The following CCDC158 variants were observed in gnomAD, a reference collection of about 807,000 sequenced individuals.
The protein encoded by CCDC158 is coiled-coil domain-containing protein 158.
In CCDC158, 116 loss-of-function variants were observed where a neutral mutation model predicts 138.6. The ratio of observed to expected loss-of-function variants is 0.84; its 90% CI spans 0.72 to 0.98. The LOEUF is 0.98. Among genes scored for constraint, CCDC158 ranks in the 50% least tolerant of loss-of-function variants. CCDC158 has a pLI of 0.00. For missense variants in CCDC158, 1,265 were observed against 1,306.1 expected, an observed-to-expected ratio of 0.97 and a Z score of 0.48; for synonymous variants, 436 against 442.4, an observed-to-expected ratio of 0.99 and a Z score of 0.18.
In CCDC158 at chr4:76,319,426, C is replaced by T. The variant is rs1302748313; in HGVS notation, c.3277+3876G>A. 6.6e-5 allele frequency among the ~76,000 whole-genome samples: 4 copies of T among 60,320 alleles called. No homozygotes were observed. The East Asian group carries it at 1.9e-3, about 28-fold the overall frequency. The allele number at this position is 60,320 out of a possible 152,430, so 39.6% of individuals were successfully genotyped here. ...CCAGCCTGGGTGACAGAGCAAGACT[C>T]CGTATCAAAAAAAAAAAAAAAAAAA... On this transcript the variant is annotated intron_variant, in intron 24 of 24. Transcript: ENST00000682701.
chr4:76,408,876 A>G (rs1348405532), intron 2 of CCDC158, among the ~76,000 whole-genome samples: 3 of 152,192 alleles, frequency 2.0e-5, no homozygotes, highest in African/African-American at 7.2e-5. Flanking sequence ...AATGATCGCC[A>G]TTCTAACTGG....
chr4:76,386,267 C>T (rs1380264152), intron 4 of CCDC158, among the ~76,000 whole-genome samples: 1 of 118,794 alleles, frequency 8.4e-6, no homozygotes, highest in Non-Finnish European at 1.8e-5. Context: ...ATCATAAGAA[C>T]ACGAAAGTCA....
intron 24 of CCDC158, among the ~76,000 whole-genome samples, chr4:76,321,643 C>T (rs189163773): frequency 9.6e-5 from 14 of 146,442 alleles, no homozygotes; most frequent in African/African-American, 3.5e-4. Flanking sequence ...ACCTCCCATT[C>T]TTCCCCCATA....
At chr4:76,315,758 A>G (rs1324703188) in intron 24 of CCDC158, among the ~76,000 whole-genome samples, 4 of 152,312 alleles carry the variant, frequency 2.6e-5, no homozygotes, top group Non-Finnish European at 5.9e-5. Flanking sequence ...GCTGGTATCC[A>G]CGGCTGGGAG....
Position 76,375,565 on chromosome 4 carries a change from G to C in CCDC158, c.1029+3725C>G, listed in dbSNP as rs551514372. 28 of 702,720 alleles carry C rather than the reference G, an allele frequency of 4.0e-5. No homozygotes were observed. In the African/African-American group the frequency reaches 4.2e-4, roughly 11 times the overall value. 43.5% of individuals were successfully genotyped at this position (702,720 alleles called of 1,614,324 possible). A position where few individuals can be genotyped will look rare whatever the true frequency, so the allele number is the denominator to read the frequency against. The stretch of plus-strand genomic sequence containing the variant: ...TTCAGCCCCAACTGCTTTCAAAGTA[G>C]TAAAAATAAATGCTGAATCAACATC... On this transcript the variant is annotated intron_variant, in intron 9 of 24. Transcript: ENST00000682701.
rs773750575 is a variant in CCDC158 at position 76,353,211 on chromosome 4, T to TTTTTTTCTG, written c.2348_2356dup (p.Thr783_Lys785dup). 4 of 1,613,498 alleles carry TTTTTTTCTG rather than the reference T, an allele frequency of 2.5e-6. No homozygotes were observed. The African/African-American group carries it at 5.3e-5, about 22-fold the overall frequency. On this transcript the variant is annotated inframe_insertion, in exon 16 of 25. Transcript: ENST00000682701. ...AACTTCCAACTCCCCAGCCATCTTG[T>TTTTTTTCTG]TTTTTTCTGTGGCAACAGTACTCAA...
intron 24 of CCDC158, among the ~76,000 whole-genome samples, chr4:76,322,933 C>G (rs1343062611): frequency 6.6e-6 from 1 of 152,118 alleles, no homozygotes; most frequent in Non-Finnish European, 1.5e-5. Context: ...TTGCTATTGA[C>G]TATACTCTTT....
chr4:76,389,830 A>G (rs1727151715), intron 4 of CCDC158, among the ~76,000 whole-genome samples: 1 of 152,180 alleles, frequency 6.6e-6, no homozygotes, highest in African/African-American at 2.4e-5. Context: ...CTGAAAGAAA[A>G]AAACCATCTA....
chr4:76,358,606 A>T (rs28528145), intron 13 of CCDC158, among the ~76,000 whole-genome samples: 4,468 of 152,168 alleles, frequency 0.029, 219 homozygotes, highest in African/African-American at 0.1. Context: ...ATTTGCCCAT[A>T]ATGTTCTCTC....
chr4:76,344,990 G>A, intron 18 of CCDC158: 2 of 1,451,184 alleles, frequency 1.4e-6, no homozygotes, highest in Non-Finnish European at 9.7e-7. Context: ...TAGGGAGGTA[G>A]ATGACTTCTT....
chr4:76,320,736 G>C (rs1311038799), intron 24 of CCDC158, among the ~76,000 whole-genome samples: 2 of 151,892 alleles, frequency 1.3e-5, no homozygotes, highest in Non-Finnish European at 2.9e-5. Context: ...TTGGCAAGTG[G>C]CATGTAGAAG....
At chr4:76,360,615 A>G (rs1724037304) in intron 13 of CCDC158, among the ~76,000 whole-genome samples, 1 of 152,180 alleles carries the variant, frequency 6.6e-6, no homozygotes, top group Non-Finnish European at 1.5e-5. Context: ...TTAGAAATTT[A>G]ATGACTGCCC....
intron 1 of CCDC158, among the ~76,000 whole-genome samples, chr4:76,420,142 A>C (rs188443733): frequency 6.6e-6 from 1 of 151,326 alleles, no homozygotes; most frequent in Non-Finnish European, 1.5e-5. Flanking sequence ...AGATAGGAGG[A>C]CCACATCTCT....
At chr4:76,368,496 G>A (rs1724908925) in intron 11 of CCDC158, among the ~76,000 whole-genome samples, 1 of 152,136 alleles carries the variant, frequency 6.6e-6, no homozygotes, top group African/African-American at 2.4e-5. Flanking sequence ...CAGTCCCTTG[G>A]TTTGCTTTCA....
chr4:76,346,446 T>A (rs1396357853), intron 18 of CCDC158, among the ~76,000 whole-genome samples: 1 of 152,196 alleles, frequency 6.6e-6, no homozygotes, highest in Non-Finnish European at 1.5e-5. Flanking sequence ...ATGCAGTGGC[T>A]CACGCCTGTA....
In CCDC158 at chr4:76,367,210, A is replaced by C. The variant is rs147220562; in HGVS notation, c.1830+84T>G. 6.0e-4 allele frequency: 870 copies of C among 1,448,914 alleles called. 4 individuals carry two copies. The African/African-American group carries it at 0.011, about 19-fold the overall frequency. The allele number at this position is 1,448,914 out of a possible 1,614,324, so 89.8% of individuals were successfully genotyped here. On this transcript the variant is annotated intron_variant, in intron 12 of 24. Transcript: ENST00000682701. The stretch of plus-strand genomic sequence containing the variant: ...TCCAACAGTTTCAGAGTGTCCACAG[A>C]TACCAAGAACCACTTTTCAGTACAG...
chr4:76,379,574 T>C (rs778749030), intron 8 of CCDC158, among the ~76,000 whole-genome samples, 170 bp from the exon 9 acceptor site: 10 of 152,208 alleles, frequency 6.6e-5, no homozygotes, highest in Non-Finnish European at 8.8e-5. Flanking sequence ...CTCAAATATA[T>C]TGTAAACTGC....
At position 76,383,532 on chromosome 4, in the gene CCDC158, G is replaced by A. The variant is rs145401891; in HGVS notation, c.803+130C>T. 1,601 of 638,464 alleles carry A rather than the reference G, an allele frequency of 2.5e-3. 12 individuals are homozygous for A. In the African/African-American group the frequency reaches 0.026, roughly 11 times the overall value. 39.5% of individuals were successfully genotyped at this position (638,464 alleles called of 1,614,324 possible). Reference sequence around the variant, plus strand: ...GGTCAGGAAAACAAAATGTTAACATGAGTTTCCTATAAACCTATAAAAAAA... The same window carrying A: ...GGTCAGGAAAACAAAATGTTAACATAAGTTTCCTATAAACCTATAAAAAAA... On this transcript the variant is annotated intron_variant, in intron 7 of 24. Coordinates refer to ENST00000682701, the MANE Select transcript of CCDC158 (RefSeq NM_001394954.1).
At position 76,367,527 on chromosome 4, in the gene CCDC158, G is replaced by T; in HGVS notation, c.1597C>A (p.Leu533Met). 2 of 1,614,050 alleles carry T rather than the reference G, an allele frequency of 1.2e-6. No homozygotes were observed. The highest frequency in any genetic ancestry group is 1.7e-6 in the Non-Finnish European group (2 of 1,180,040). Residue 533 changes from leucine to methionine, a missense_variant, in exon 12 of 25, where the codon CTG becomes ATG. By Grantham distance (15) the Leu-to-Met change is conservative (BLOSUM62 2). Coordinates refer to ENST00000682701, the MANE Select transcript of CCDC158 (RefSeq NM_001394954.1). ...RSRVDLKLQELQHLKNEGDHL... is the reference protein window; with the variant it reads ...RSRVDLKLQEMQHLKNEGDHL... ...TCCCCTTCATTTTTCAAGTGTTGCA[G>T]CTCCTGCAATTTCAAGTCCACCCGG...
Sources: gnomAD v4.1 joint callset for allele counts (sites outside exome capture counted in the v4.1 genomes callset) on GRCh38, gnomAD v4.1.1 for gene constraint, MANE v1.5 for transcripts, NCBI Gene and HGNC (gene_info 2026-07-23, HGNC 2026-07-21) for gene names.